The following CNTN5 variants were observed in gnomAD, a reference collection of about 807,000 sequenced individuals.
The protein encoded by CNTN5 is contactin-5.
Under a neutral mutation model 129.1 loss-of-function variants are expected in CNTN5, and 77 were observed. The ratio of observed to expected loss-of-function variants is 0.60; its 90% CI spans 0.50 to 0.72. The LOEUF (loss-of-function observed/expected upper bound fraction) is 0.72, where lower values mean the gene tolerates loss of function less well. CNTN5 is among the 30% of genes least tolerant of loss of function. The pLI is 0.00. For missense variants in CNTN5, 1,478 were observed against 1,328.8 expected (o/e 1.11, Z -1.75); for synonymous variants, 509 against 465.6 (o/e 1.09, Z -1.20).
chr11:99,298,376 C>T (rs914953407), intron 1 of CNTN5, among the ~76,000 whole-genome samples: 5 of 152,088 alleles, frequency 3.3e-5, no homozygotes, highest in East Asian at 1.9e-4. Flanking sequence ...TACAGCTTGG[C>T]TTTTGCCTTA....
chr11:99,749,266 G>A (rs117546008), intron 3 of CNTN5, among the ~76,000 whole-genome samples: 4,735 of 151,794 alleles, frequency 0.031, 111 homozygotes, highest in Middle Eastern at 0.062. Context: ...TCAGAGAGAG[G>A]GGGATTAAAA....
At chr11:100,111,949 T>A (rs1229623866) in intron 13 of CNTN5, among the ~76,000 whole-genome samples, 1 of 152,238 alleles carries the variant, frequency 6.6e-6, no homozygotes, top group Non-Finnish European at 1.5e-5. Flanking sequence ...TTCTTATTTG[T>A]TTACACTACG....
intron 1 of CNTN5, among the ~76,000 whole-genome samples, chr11:99,108,492 A>G (rs961032991): frequency 6.6e-5 from 10 of 152,150 alleles, no homozygotes; most frequent in African/African-American, 2.4e-4. Context: ...TGGGGGCGTT[A>G]CTGGAAGTGT....
At chr11:100,304,661 A>G (rs1951306531) in intron 20 of CNTN5, among the ~76,000 whole-genome samples, 2 of 151,532 alleles carry the variant, frequency 1.3e-5, no homozygotes, top group African/African-American at 4.8e-5. Flanking sequence ...AGAGAAATAG[A>G]AAAGGAAAAA....
In CNTN5 at chr11:99,374,459, G is replaced by A. The variant is rs536693990; in HGVS notation, c.-71+48975G>A. 1.3e-4 allele frequency among the ~76,000 whole-genome samples: 20 copies of A among 152,126 alleles called. No homozygotes were observed. The East Asian group carries it at 3.5e-3, about 27-fold the overall frequency. On this transcript the variant is annotated intron_variant, in intron 2 of 24. Transcript: ENST00000524871. Reference sequence around the variant, plus strand: ...TAAGATTTGGGAGGCCAAGGCCGGCGGATCACGAGGTCAGGAGATCAAGAC... The same window carrying A: ...TAAGATTTGGGAGGCCAAGGCCGGCAGATCACGAGGTCAGGAGATCAAGAC...
chr11:99,243,271 T>C (rs1591407941), intron 1 of CNTN5, among the ~76,000 whole-genome samples: 1 of 152,276 alleles, frequency 6.6e-6, no homozygotes, highest in Non-Finnish European at 1.5e-5. Flanking sequence ...ATCACTTATA[T>C]GACTTCTTTT....
chr11:99,077,956 A>G (rs910673585), intron 1 of CNTN5, among the ~76,000 whole-genome samples: 16 of 152,156 alleles, frequency 1.1e-4, no homozygotes, highest in Non-Finnish European at 1.8e-4. Context: ...ATGAAAATGG[A>G]CAAATACAGC....
intron 16 of CNTN5, among the ~76,000 whole-genome samples, chr11:100,249,676 A>G (rs868120131): frequency 6.6e-6 from 1 of 152,186 alleles, no homozygotes; most frequent in African/African-American, 2.4e-5. Context: ...TTATTAATCT[A>G]TCTTCAATGA....
At chr11:99,282,190 C>T (rs1373247608) in intron 1 of CNTN5, among the ~76,000 whole-genome samples, 2 of 151,856 alleles carry the variant, frequency 1.3e-5, no homozygotes, top group Non-Finnish European at 2.9e-5. Flanking sequence ...GATTGTCTCG[C>T]CTTAAGTGTT....
At chr11:100,072,200 C>G (rs1943948522) in intron 12 of CNTN5, among the ~76,000 whole-genome samples, 1 of 152,122 alleles carries the variant, frequency 6.6e-6, no homozygotes, top group African/African-American at 2.4e-5. Context: ...GTCCATGCTC[C>G]CATAGCAATG....
chr11:99,265,833 T>C (rs1361929703), intron 1 of CNTN5, among the ~76,000 whole-genome samples: 1 of 152,028 alleles, frequency 6.6e-6, no homozygotes, highest in Admixed American at 6.6e-5. Context: ...TCTCATTCAC[T>C]CGGTAAGTAG....
At chr11:99,233,037 A>G (rs61893095) in intron 1 of CNTN5, among the ~76,000 whole-genome samples, 13,512 of 152,240 alleles carry the variant, frequency 0.089, 1,217 homozygotes, top group East Asian at 0.45. Context: ...GTTAGTAGAA[A>G]AATAGTTCCT....
At chr11:99,054,588 C>T (rs7109763) in intron 1 of CNTN5, among the ~76,000 whole-genome samples, 3 of 151,582 alleles carry the variant, frequency 2.0e-5, no homozygotes, top group East Asian at 3.9e-4. Context: ...TTTTCCAAAG[C>T]GTTCCTTAAT....
chr11:99,107,841 G>A (rs1867074230), intron 1 of CNTN5, among the ~76,000 whole-genome samples: 3 of 149,468 alleles, frequency 2.0e-5, no homozygotes, highest in South Asian at 2.2e-4. Context: ...TGAGGCAGGA[G>A]AATCACTTGA....
chr11:99,960,663 C>A (rs368238270), intron 8 of CNTN5, among the ~76,000 whole-genome samples: 2 of 152,148 alleles, frequency 1.3e-5, no homozygotes, highest in East Asian at 1.9e-4. Context: ...TCTTAAAGTT[C>A]TGCTGTACAA....
chr11:100,310,900 G>A (rs954192153), intron 21 of CNTN5, among the ~76,000 whole-genome samples: 1 of 151,924 alleles, frequency 6.6e-6, no homozygotes, highest in Non-Finnish European at 1.5e-5. Context: ...GGGAGAGTGG[G>A]AGCAGGATGA....
chr11:100,288,015 C>G (rs1950839518), intron 18 of CNTN5, among the ~76,000 whole-genome samples: 1 of 151,906 alleles, frequency 6.6e-6, no homozygotes, highest in African/African-American at 2.4e-5. Flanking sequence ...CAAAGAAGGC[C>G]ATTACATAAT....
intron 23 of CNTN5, among the ~76,000 whole-genome samples, chr11:100,343,255 T>C (rs1185046528): frequency 6.6e-6 from 1 of 152,226 alleles, no homozygotes; most frequent in African/African-American, 2.4e-5. Flanking sequence ...AGGCACACAT[T>C]GCAAAAGATA....
At chr11:100,083,517 G>T (rs1361350046) in intron 13 of CNTN5, among the ~76,000 whole-genome samples, 1 of 152,042 alleles carries the variant, frequency 6.6e-6, no homozygotes, top group Admixed American at 6.6e-5. Flanking sequence ...AGGGTTTGGA[G>T]GGGACAAACA....
Sources: gnomAD v4.1 joint callset for allele counts (sites outside exome capture counted in the v4.1 genomes callset) on GRCh38, gnomAD v4.1.1 for gene constraint, MANE v1.5 for transcripts, NCBI Gene and HGNC (gene_info 2026-07-23, HGNC 2026-07-21) for gene names.